Variants in ZYG11A observed in about 807,000 individuals in gnomAD.
ZYG11A encodes zyg-11 family member A, cell cycle regulator.
In ZYG11A, 62 loss-of-function variants were observed where a neutral mutation model predicts 77.2. The observed-to-expected ratio is 0.80, with a 90% CI of 0.65 to 0.99. ZYG11A has a LOEUF of 0.99. ZYG11A is among the 50% of genes least tolerant of loss of function. The probability of loss-of-function intolerance (pLI) is 0.00; values close to 1 mark genes in which losing one functional copy is unlikely to be tolerated. For synonymous variants in ZYG11A, 315 were observed against 324.6 expected, an observed-to-expected ratio of 0.97 and a Z score of 0.32; for missense variants, 828 against 896.8, an observed-to-expected ratio of 0.92 and a Z score of 0.98.
At chr1:52,878,911 T>C (rs485128) in intron 10 of ZYG11A, among the ~76,000 whole-genome samples, 84,514 of 144,048 alleles carry the variant, frequency 0.59, 25,635 homozygotes, top group African/African-American at 0.68. Context: ...TGCACTCCAA[T>C]TGCACTCCAG....
intron 3 of ZYG11A, among the ~76,000 whole-genome samples, chr1:52,859,663 T>TACCTA (rs1553121657): frequency 4.8e-5 from 6 of 126,104 alleles, no homozygotes; most frequent in South Asian, 2.6e-4. Context: ...TGTTTGTGTA[T>TACCTA]TGCCTTTTTT....
intron 8 of ZYG11A, among the ~76,000 whole-genome samples, chr1:52,877,131 C>A (rs992437982): frequency 6.6e-6 from 1 of 152,088 alleles, no homozygotes; most frequent in Non-Finnish European, 1.5e-5. Flanking sequence ...CCCTCTCCCC[C>A]CAGCCCCGTT....
chr1:52,859,518 G>A (rs985872293), intron 3 of ZYG11A, among the ~76,000 whole-genome samples: 1 of 150,834 alleles, frequency 6.6e-6, no homozygotes, highest in Non-Finnish European at 1.5e-5. Context: ...TGTATTTTTA[G>A]TAGAGATGGT....
chr1:52,843,497 C>T (rs1330307575), intron 1 of ZYG11A, among the ~76,000 whole-genome samples: 1 of 152,206 alleles, frequency 6.6e-6, no homozygotes, highest in Non-Finnish European at 1.5e-5. Flanking sequence ...GGGCGAGTAG[C>T]TTAGTCCGGC....
At chr1:52,867,345 G>A (rs1274974931) in intron 6 of ZYG11A, among the ~76,000 whole-genome samples, 194 bp from the exon 7 acceptor site, 2 of 152,050 alleles carry the variant, frequency 1.3e-5, no homozygotes, top group African/African-American at 2.4e-5. Flanking sequence ...TTTTGCTTAC[G>A]TTCTTATTTG....
intron 13 of ZYG11A, among the ~76,000 whole-genome samples, chr1:52,887,930 G>T (rs907163067): frequency 6.6e-6 from 1 of 152,032 alleles, no homozygotes; most frequent in Non-Finnish European, 1.5e-5. Context: ...TGTATTATAG[G>T]AGATATAAGC....
chr1:52,871,188 G>A (rs1019432208), intron 8 of ZYG11A, among the ~76,000 whole-genome samples: 47 of 152,140 alleles, frequency 3.1e-4, no homozygotes, highest in African/African-American at 1.0e-3. Context: ...AAGCTGGTGT[G>A]TAGTGGCAAG....
At position 52,843,688 on chromosome 1, in the gene ZYG11A, C is replaced by CTTTTTT. The variant is rs71044427; in HGVS notation, c.90+727_90+732dup. Among the ~76,000 whole-genome samples, 82 of 130,462 alleles carry CTTTTTT rather than the reference C, an allele frequency of 6.3e-4. 1 individual carries two copies. Among genetic ancestry groups the CTTTTTT allele is most frequent in the Non-Finnish European group, 1.1e-3 (68 of 63,312 alleles). The allele number at this position is 130,462 out of a possible 152,430, so 85.6% of individuals were successfully genotyped here. A position where few individuals can be genotyped will look rare whatever the true frequency, so the allele number is the denominator to read the frequency against. On this transcript the variant is annotated intron_variant, in intron 1 of 13. Coordinates refer to ENST00000371528, the MANE Select transcript of ZYG11A (RefSeq NM_001004339.3). ...AGTGTCGCCTTTCTTTTCTTTCTTT[C>CTTTTTT]TTTTTTTTTTTTTTTTTGAGACGGA... is the stretch of plus-strand genomic sequence containing the variant.
At chr1:52,869,196 T>C (rs1284667417) in intron 8 of ZYG11A, among the ~76,000 whole-genome samples, 1 of 150,834 alleles carries the variant, frequency 6.6e-6, no homozygotes, top group East Asian at 1.9e-4. Context: ...TTACTGACTT[T>C]TTTCTACTTT....
chr1:52,842,860 T>A lies in ZYG11A; in HGVS notation c.-24T>A, dbSNP rs933582815. The A allele has an allele frequency of 1.3e-5, 20 of 1,528,278 alleles. No individual in the cohort carries two copies. The highest frequency in any genetic ancestry group is 1.7e-5 in the Non-Finnish European group (19 of 1,137,302). The allele number at this position is 1,528,278 out of a possible 1,614,324, so 94.7% of individuals were successfully genotyped here. A position where few individuals can be genotyped will look rare whatever the true frequency, so the allele number is the denominator to read the frequency against. ...TCCGGCTCGACGCCGGCTCTCTTTT[T>A]GACGCCCCGCCGCCGGGGTTGCCAT... On this transcript the variant is annotated 5_prime_UTR_variant, in exon 1 of 14. Coordinates refer to ENST00000371528, the MANE Select transcript of ZYG11A (RefSeq NM_001004339.3).
At chr1:52,877,518 T>C (rs961209196) in intron 8 of ZYG11A, among the ~76,000 whole-genome samples, 164 bp from the exon 9 acceptor site, 1 of 152,200 alleles carries the variant, frequency 6.6e-6, no homozygotes, top group African/African-American at 2.4e-5. Context: ...CTGTAAGAAG[T>C]AGTTGTAATT....
At chr1:52,842,997 G>C (rs1358556619) in intron 1 of ZYG11A, 24 bp downstream of exon 1, 2 of 1,495,530 alleles carry the variant, frequency 1.3e-6, no homozygotes, top group African/African-American at 2.9e-5. Flanking sequence ...TGCGGGCGGC[G>C]ACGCGGACCT....
At chr1:52,850,609 C>T (rs865890821) in intron 1 of ZYG11A, among the ~76,000 whole-genome samples, 7 of 152,058 alleles carry the variant, frequency 4.6e-5, no homozygotes, top group East Asian at 1.9e-4. Flanking sequence ...TGAGCCACCG[C>T]GCCCAACTTC....
chr1:52,867,509 A>G, intron 6 of ZYG11A, 30 bp from the exon 7 acceptor site: 1 of 1,421,208 alleles, frequency 7.0e-7, no homozygotes, highest in Non-Finnish European at 9.7e-7. Context: ...TTTATATATA[A>G]TTGTGAGAAA....
intron 5 of ZYG11A, among the ~76,000 whole-genome samples, 187 bp downstream of exon 5, chr1:52,864,344 C>G (rs1645983781): frequency 6.6e-6 from 1 of 152,078 alleles, no homozygotes; most frequent in South Asian, 2.1e-4. Context: ...CTCCCGGGTT[C>G]AAGCAATTCT....
At chr1:52,872,844 C>G (rs1319019017) in intron 8 of ZYG11A, among the ~76,000 whole-genome samples, 1 of 132,924 alleles carries the variant, frequency 7.5e-6, no homozygotes, top group Non-Finnish European at 1.5e-5. Context: ...GATCAAGCCA[C>G]TGTACTTCAG....
intron 1 of ZYG11A, among the ~76,000 whole-genome samples, chr1:52,844,173 G>C (rs1271543880): frequency 6.6e-6 from 1 of 152,176 alleles, no homozygotes; most frequent in Non-Finnish European, 1.5e-5. Flanking sequence ...GGCCACCCTT[G>C]GGGAACTCGA....
chr1:52,847,595 T>G (rs1645615881), intron 1 of ZYG11A, among the ~76,000 whole-genome samples: 2 of 151,866 alleles, frequency 1.3e-5, no homozygotes, highest in Admixed American at 1.3e-4. Context: ...TTTGTTTATC[T>G]GAGAATATAT....
At chr1:52,851,733 T>A (rs905775964) in intron 1 of ZYG11A, among the ~76,000 whole-genome samples, 24 of 151,516 alleles carry the variant, frequency 1.6e-4, no homozygotes, top group Middle Eastern at 3.4e-3. Context: ...TTAATTAATT[T>A]ATTTATTTTA....
Sources: allele counts gnomAD v4.1 joint callset (sites outside exome capture counted in the v4.1 genomes callset), GRCh38; gene constraint gnomAD v4.1.1; transcripts MANE v1.5; gene names NCBI Gene and HGNC (gene_info 2026-07-23, HGNC 2026-07-21).